LRFN5: variants seen among roughly 807,000 people sequenced by gnomAD.
The protein encoded by LRFN5 is leucine-rich repeat and fibronectin type-III domain-containing protein 5.
In LRFN5, 24 loss-of-function variants were observed where a neutral mutation model predicts 45.6. The observed-to-expected ratio is 0.53, with a 90% confidence interval of 0.38 to 0.74. The LOEUF is 0.74. Among genes scored for constraint, LRFN5 ranks in the 30% least tolerant of loss-of-function variants. The pLI, the probability that LRFN5 is intolerant of heterozygous loss-of-function variation, is 0.00. For synonymous variants in LRFN5, 340 were observed against 313.8 expected (o/e 1.08, Z -0.88); for missense variants, 776 against 861.5 (o/e 0.90, Z 1.24).
At position 41,887,707 on chromosome 14, in the gene LRFN5, A is replaced by G. The variant is rs767527817; in HGVS notation, c.1082A>G (p.Asn361Ser). Residue 361 changes from asparagine (N) to serine (S), a missense_variant, in exon 3 of 6, where the codon AAT becomes AGT. Asn to Ser is a conservative substitution (Grantham distance 46). Coordinates refer to ENST00000298119, the MANE Select transcript of LRFN5 (RefSeq NM_152447.5). The surrounding 1 kb of genome is among the most constrained non-coding windows in gnomAD (Gnocchi z 4.8). ...GGTGCTTTTACCTGCATTGCTTCCA[A>G]TCCTGCTGGGGAAGCAACACAAATA... ...DTGAFTCIAS[N>S]PAGEATQIVD... 5 of 1,614,000 alleles carry G rather than the reference A, an allele frequency of 3.1e-6. No homozygotes were observed. In the African/African-American group the frequency reaches 4.0e-5, roughly 13 times the overall value.
At chr14:41,696,867 A>G (rs1882636128) in intron 1 of LRFN5, among the ~76,000 whole-genome samples, 1 of 151,902 alleles carries the variant, frequency 6.6e-6, no homozygotes, top group Non-Finnish European at 1.5e-5. Flanking sequence ...TGTATGTGAA[A>G]TTCTGAAAAG....
At chr14:41,765,306 C>T (rs1594688868) in intron 1 of LRFN5, among the ~76,000 whole-genome samples, 1 of 147,898 alleles carries the variant, frequency 6.8e-6, no homozygotes, top group African/African-American at 2.5e-5. Flanking sequence ...CGCGCCACTG[C>T]ACTCCAGCCT....
At chr14:41,612,431 G>A (rs1370595695) in intron 1 of LRFN5, among the ~76,000 whole-genome samples, 4 of 152,086 alleles carry the variant, frequency 2.6e-5, no homozygotes, top group Middle Eastern at 3.4e-3. Context: ...ACATATTGGC[G>A]TTATCTTCAG....
rs188826103 is a variant in LRFN5 at position 41,865,466 on chromosome 14, A to G, written c.-20-21140A>G. On this transcript the variant is annotated intron_variant, in intron 2 of 5. Transcript: ENST00000298119. ...TATGCCAGGTTTTATTAATCCATTC[A>G]TCAGCCGATAGACATTTGAATTGTT... is the stretch of plus-strand genomic sequence containing the variant. Among the ~76,000 whole-genome samples the G allele has an allele frequency of 2.2e-3, 329 of 152,320 alleles. 1 individual carries two copies. The highest frequency in any genetic ancestry group is 7.4e-3 in the African/African-American group (308 of 41,582).
Position 41,904,375 on chromosome 14 carries a change from C to A in LRFN5, c.*200C>A, listed in dbSNP as rs1891192778. ...ACCATGGTTCATCCTCTTTTAAAAC[C>A]AAATTTTTTTTTCTTCTGGCCTACA... On this transcript the variant is annotated 3_prime_UTR_variant, in exon 6 of 6. Transcript: ENST00000298119. The A allele has an allele frequency of 1.9e-6, 1 of 513,858 alleles. No individual in the cohort carries two copies. The highest frequency in any genetic ancestry group is 3.3e-6 in the Non-Finnish European group (1 of 304,778). The allele number at this position is 513,858 out of a possible 1,614,324, so 31.8% of individuals were successfully genotyped here.
At chr14:41,743,311 T>C (rs73315044) in intron 1 of LRFN5, among the ~76,000 whole-genome samples, 1,577 of 151,072 alleles carry the variant, frequency 0.01, 34 homozygotes, top group African/African-American at 0.036. Flanking sequence ...TGATCAGATA[T>C]GAAATATACA....
At chr14:41,851,604 T>C (rs1324509087) in intron 2 of LRFN5, among the ~76,000 whole-genome samples, 1 of 151,852 alleles carries the variant, frequency 6.6e-6, no homozygotes, top group African/African-American at 2.4e-5. Context: ...TGGAAACTTA[T>C]GGTGGTTGTT....
chr14:41,632,009 G>T (rs1172970737), intron 1 of LRFN5, among the ~76,000 whole-genome samples: 1 of 152,058 alleles, frequency 6.6e-6, no homozygotes, highest in Non-Finnish European at 1.5e-5. Context: ...AGACTCTAAT[G>T]ACACAAAGGA....
chr14:41,852,676 A>C (rs1218056414), intron 2 of LRFN5, among the ~76,000 whole-genome samples: 3 of 151,922 alleles, frequency 2.0e-5, no homozygotes, highest in Non-Finnish European at 4.4e-5. Context: ...TTACCCATTA[A>C]GTTTTAAGCC....
chr14:41,865,573 G>A (rs1040871416), intron 2 of LRFN5, among the ~76,000 whole-genome samples: 37 of 152,030 alleles, frequency 2.4e-4, no homozygotes, highest in African/African-American at 7.7e-4. Context: ...CATTTCTCTG[G>A]TGTGTAATTA....
At chr14:41,647,553 G>A (rs922710796) in intron 1 of LRFN5, among the ~76,000 whole-genome samples, 1 of 152,162 alleles carries the variant, frequency 6.6e-6, no homozygotes, top group African/African-American at 2.4e-5. Context: ...ACTGAAGGGG[G>A]CAGAGAAGTG....
At chr14:41,746,339 A>C (rs1394406187) in intron 1 of LRFN5, among the ~76,000 whole-genome samples, 1 of 152,000 alleles carries the variant, frequency 6.6e-6, no homozygotes, top group Non-Finnish European at 1.5e-5. Context: ...AATAGAAGGA[A>C]ACTACCTCAA....
intron 1 of LRFN5, among the ~76,000 whole-genome samples, chr14:41,664,887 T>C (rs950230904): frequency 1.3e-5 from 2 of 151,976 alleles, no homozygotes; most frequent in Non-Finnish European, 2.9e-5. Flanking sequence ...AGAAGACAAG[T>C]TGTATGTGAT....
Position 41,895,832 on chromosome 14 carries a change from TTGAACCATTCTA to T in LRFN5, c.2099-3084_2099-3073del, listed in dbSNP as rs558991107. On this transcript the variant is annotated intron_variant, in intron 4 of 5. Coordinates refer to ENST00000298119, the MANE Select transcript of LRFN5 (RefSeq NM_152447.5). ...TACTTAAAATTTTGGAATAGAAGTT[TTGAACCATTCTA>T]AGAAATCTCTAAACATAACAAGTCT... Among the ~76,000 whole-genome samples, 1,129 of 152,140 alleles carry T rather than the reference TTGAACCATTCTA, an allele frequency of 7.4e-3. 5 individuals carry two copies. Among genetic ancestry groups the T allele is most frequent in the Non-Finnish European group, 9.8e-3 (667 of 67,992 alleles).
chr14:41,696,321 G>A (rs1376457421), intron 1 of LRFN5, among the ~76,000 whole-genome samples: 1 of 151,898 alleles, frequency 6.6e-6, no homozygotes, highest in African/African-American at 2.4e-5. Context: ...GATACAGAAT[G>A]TTACATAAAC....
At chr14:41,701,220 A>G (rs1289384295) in intron 1 of LRFN5, 5 of 152,198 alleles carry the variant, frequency 3.3e-5, no homozygotes, top group Admixed American at 6.6e-5. Flanking sequence ...TGAAGCATTT[A>G]TCACTCCAAG....
intron 1 of LRFN5, among the ~76,000 whole-genome samples, chr14:41,609,815 G>T (rs990645742): frequency 6.6e-6 from 1 of 152,176 alleles, no homozygotes; most frequent in Non-Finnish European, 1.5e-5. Context: ...GGGGGGCGGG[G>T]GGTTCTCTTT....
intron 2 of LRFN5, among the ~76,000 whole-genome samples, chr14:41,873,419 CAG>C (rs10558865): frequency 0.014 from 2,029 of 146,364 alleles, 45 homozygotes; most frequent in African/African-American, 0.045. Context: ...GAGAGAGAGA[CAG>C]AGAGAGAGAG....
chr14:41,830,261 T>G (rs1257918172), intron 2 of LRFN5, among the ~76,000 whole-genome samples: 1 of 151,948 alleles, frequency 6.6e-6, no homozygotes, highest in East Asian at 1.9e-4. Flanking sequence ...GTTTTTGATA[T>G]TGCAAAATTT....
Sources: gnomAD v4.1 joint callset for allele counts (sites outside exome capture counted in the v4.1 genomes callset) on GRCh38, gnomAD v4.1.1 for gene constraint, Gnocchi (gnomAD v3.1) non-coding constraint, MANE v1.5 for transcripts, NCBI Gene and HGNC (gene_info 2026-07-23, HGNC 2026-07-21) for gene names.